Variants in TAFA5 observed in about 807,000 individuals in gnomAD.
The protein encoded by TAFA5 is chemokine-like protein TAFA-5.
A neutral mutation model predicts 15.3 loss-of-function variants in TAFA5; 6 were observed. The observed-to-expected ratio is 0.39, with a 90% CI of 0.21 to 0.77. The LOEUF (loss-of-function observed/expected upper bound fraction) is 0.77. TAFA5 is among the 30% of genes least tolerant of loss of function. TAFA5 has a pLI of 0.41. For missense variants in TAFA5, 161 were observed against 193.1 expected, an observed-to-expected ratio of 0.83 and a Z score of 0.98; for synonymous variants, 103 against 80.7, an observed-to-expected ratio of 1.28 and a Z score of -1.48.
At chr22:48,738,159 A>G (rs1308447092) in intron 3 of TAFA5, among the ~76,000 whole-genome samples, 2 of 152,204 alleles carry the variant, frequency 1.3e-5, no homozygotes, top group Non-Finnish European at 2.9e-5. Flanking sequence ...TGAGCAGGGC[A>G]GTGCCTGCAG....
chr22:48,591,311 A>G (rs1227866110), intron 1 of TAFA5, among the ~76,000 whole-genome samples: 1 of 152,174 alleles, frequency 6.6e-6, no homozygotes, highest in East Asian at 1.9e-4. Context: ...TCTAGAAGGG[A>G]TCGTGGTTGC....
At chr22:48,705,077 C>T (rs1434087284) in intron 2 of TAFA5, among the ~76,000 whole-genome samples, 1 of 152,148 alleles carries the variant, frequency 6.6e-6, no homozygotes, top group East Asian at 1.9e-4. Flanking sequence ...ACACTCATGG[C>T]CTCATCTAAC....
At chr22:48,712,346 C>T (rs1045696375) in intron 3 of TAFA5, among the ~76,000 whole-genome samples, 2 of 152,206 alleles carry the variant, frequency 1.3e-5, no homozygotes, top group Non-Finnish European at 2.9e-5. Flanking sequence ...CGTGAGCCAC[C>T]GTGCCGGCCC....
At chr22:48,618,677 C>T (rs772233024) in intron 1 of TAFA5, among the ~76,000 whole-genome samples, 3 of 152,144 alleles carry the variant, frequency 2.0e-5, no homozygotes, top group Non-Finnish European at 4.4e-5. Context: ...GTGTGCACAG[C>T]GGGCCCTTGC....
intron 1 of TAFA5, among the ~76,000 whole-genome samples, chr22:48,583,399 C>T (rs925116984): frequency 7.3e-5 from 11 of 150,354 alleles, no homozygotes; most frequent in African/African-American, 2.5e-4. Flanking sequence ...ACACCACACA[C>T]CACACACAAA....
At chr22:48,694,028 C>G (rs1601677654) in intron 2 of TAFA5, among the ~76,000 whole-genome samples, 1 of 152,182 alleles carries the variant, frequency 6.6e-6, no homozygotes, top group African/African-American at 2.4e-5. Context: ...GTGGGCCCCT[C>G]TGAGGTCCCT....
At chr22:48,672,362 A>T (rs1364395258) in intron 2 of TAFA5, among the ~76,000 whole-genome samples, 1 of 152,256 alleles carries the variant, frequency 6.6e-6, no homozygotes, top group African/African-American at 2.4e-5. Context: ...AGAAAATTGT[A>T]GCCTAAAGAA....
rs76847564 is a variant in TAFA5, at chr22:48,659,601, T to C, written c.262+12855T>C. Among the ~76,000 whole-genome samples, 1,484 of 152,294 alleles carry C rather than the reference T, an allele frequency of 9.7e-3. 22 individuals are homozygous for C. The highest frequency in any genetic ancestry group is 0.033 in the African/African-American group (1,366 of 41,566). ...CTGGGGGTGGGGCATTCTTTGCCCTTGTCCTGCTTTTCTCCCTGTCATCAC... is the reference window on the plus strand; with the variant it reads ...CTGGGGGTGGGGCATTCTTTGCCCTCGTCCTGCTTTTCTCCCTGTCATCAC... On this transcript the variant is annotated intron_variant, in intron 2 of 3. Transcript: ENST00000402357.
At chr22:48,741,391 G>A (rs899077167) in intron 3 of TAFA5, among the ~76,000 whole-genome samples, 4 of 152,240 alleles carry the variant, frequency 2.6e-5, no homozygotes, top group Non-Finnish European at 4.4e-5. Context: ...TGCGTCGGGC[G>A]TGGAGGGGAA....
intron 2 of TAFA5, among the ~76,000 whole-genome samples, chr22:48,703,633 C>T (rs1016406349): frequency 2.0e-5 from 3 of 152,246 alleles, no homozygotes; most frequent in Non-Finnish European, 2.9e-5. Flanking sequence ...TGGCCTGCGC[C>T]GTATCCACCC....
intron 3 of TAFA5, among the ~76,000 whole-genome samples, chr22:48,747,405 A>G (rs1293311883): frequency 6.6e-6 from 1 of 152,192 alleles, no homozygotes; most frequent in Non-Finnish European, 1.5e-5. Flanking sequence ...GCCCCAGGAA[A>G]GAAGCCAAAG....
At chr22:48,622,153 G>A (rs1925861022) in intron 1 of TAFA5, among the ~76,000 whole-genome samples, 1 of 152,154 alleles carries the variant, frequency 6.6e-6, no homozygotes, top group Non-Finnish European at 1.5e-5. Context: ...TGAGAACCCA[G>A]GGGTACCGGG....
intron 1 of TAFA5, among the ~76,000 whole-genome samples, chr22:48,575,389 G>C (rs974386676): frequency 6.1e-5 from 9 of 148,342 alleles, no homozygotes; most frequent in African/African-American, 2.2e-4. Context: ...GAGGAGCGCA[G>C]ACGGCGGCGG....
intron 1 of TAFA5, among the ~76,000 whole-genome samples, chr22:48,517,906 C>T (rs752300295): frequency 5.9e-5 from 9 of 152,236 alleles, no homozygotes; most frequent in Non-Finnish European, 1.2e-4. Context: ...AGCCCAGTGG[C>T]GCTCACATGT....
At chr22:48,702,467 T>C (rs1054881582) in intron 2 of TAFA5, among the ~76,000 whole-genome samples, 1 of 152,012 alleles carries the variant, frequency 6.6e-6, no homozygotes, top group African/African-American at 2.4e-5. Context: ...GGCTCCCTTC[T>C]CCAGCCACGT....
intron 1 of TAFA5, among the ~76,000 whole-genome samples, chr22:48,559,946 G>A (rs1200846203): frequency 6.6e-6 from 1 of 152,196 alleles, no homozygotes; most frequent in Non-Finnish European, 1.5e-5. Context: ...TCTCAGCCTG[G>A]CACGGGAGGA....
chr22:48,648,072 T>G (rs1018049753), intron 2 of TAFA5, among the ~76,000 whole-genome samples: 3 of 152,266 alleles, frequency 2.0e-5, no homozygotes, highest in African/African-American at 7.2e-5. Context: ...CAGTGGCCCC[T>G]CCAGTCCTTG....
At chr22:48,718,417 T>A (rs890807196) in intron 3 of TAFA5, among the ~76,000 whole-genome samples, 5 of 152,046 alleles carry the variant, frequency 3.3e-5, no homozygotes, top group African/African-American at 1.2e-4. Context: ...AGAGGTGTCT[T>A]GAGGGAGGAT....
intron 3 of TAFA5, among the ~76,000 whole-genome samples, chr22:48,735,937 C>T (rs1436626183): frequency 6.8e-6 from 1 of 146,632 alleles, no homozygotes; most frequent in Non-Finnish European, 1.5e-5. Context: ...GAATGAGAAT[C>T]GCACTCCTAG....
Sources: gnomAD v4.1 joint callset for allele counts (sites outside exome capture counted in the v4.1 genomes callset) on GRCh38, gnomAD v4.1.1 for gene constraint, MANE v1.5 for transcripts, NCBI Gene and HGNC (gene_info 2026-07-23, HGNC 2026-07-21) for gene names.